PRKN: variants seen among roughly 807,000 people sequenced by gnomAD.
PRKN encodes parkin RBR E3 ubiquitin protein ligase.
Under a neutral mutation model 59.5 loss-of-function variants are expected in PRKN, and 56 were observed. The observed-to-expected ratio is 0.94, with a 90% CI of 0.76 to 1.18. PRKN has a LOEUF of 1.18. Among genes scored for constraint, PRKN ranks in the 50% most tolerant of loss-of-function variants. The probability of loss-of-function intolerance (pLI) is 0.00; values close to 1 mark genes in which losing one functional copy is unlikely to be tolerated. For missense variants in PRKN, 657 were observed against 596.4 expected (o/e 1.10, Z -1.06); for synonymous variants, 250 against 222.1 (o/e 1.13, Z -1.12).
chr6:161,371,797 C>T lies in PRKN; in HGVS notation c.1168-11592G>A, dbSNP rs1478354417. On this transcript the variant is annotated intron_variant, in intron 10 of 11. Coordinates refer to ENST00000366898, the MANE Select transcript of PRKN (RefSeq NM_004562.3). The surrounding 1 kb of genome is among the most constrained non-coding windows in gnomAD (Gnocchi z 5.5). ...GGGATTACAGGCATGCACCACCCCACCTCGCTAATTTTTGTATTTTTAGTA... is the reference window on the plus strand; with the variant it reads ...GGGATTACAGGCATGCACCACCCCATCTCGCTAATTTTTGTATTTTTAGTA... Among the ~76,000 whole-genome samples the T allele has an allele frequency of 2.6e-5, 4 of 152,278 alleles. No individual in the cohort carries two copies.
intron 5 of PRKN, among the ~76,000 whole-genome samples, chr6:161,975,163 G>A (rs561165072): frequency 7.1e-6 from 1 of 140,902 alleles, no homozygotes; most frequent in East Asian, 2.1e-4. Flanking sequence ...TCAGCTCACT[G>A]CAAACTCTGC....
chr6:162,004,353 G>A (rs1782168511), intron 5 of PRKN, among the ~76,000 whole-genome samples: 1 of 152,090 alleles, frequency 6.6e-6, no homozygotes, highest in African/African-American at 2.4e-5. Flanking sequence ...CTTCCCCAAA[G>A]CAGAAGTCAC....
At chr6:162,551,292 C>T (rs1010939563) in intron 1 of PRKN, among the ~76,000 whole-genome samples, 2 of 152,114 alleles carry the variant, frequency 1.3e-5, no homozygotes, top group African/African-American at 4.8e-5. Flanking sequence ...GAAAACTATA[C>T]CCAATTTCCA....
intron 3 of PRKN, among the ~76,000 whole-genome samples, chr6:162,253,050 T>C (rs554011612): frequency 6.6e-6 from 1 of 152,314 alleles, no homozygotes; most frequent in Non-Finnish European, 1.5e-5. Context: ...CTGCGTGTGC[T>C]ATTCTGGTGG....
rs889096620 is a variant in PRKN at position 161,592,500 on chromosome 6, T to C, written c.872-23084A>G. 3.3e-5 allele frequency among the ~76,000 whole-genome samples: 5 copies of C among 152,156 alleles called. No homozygotes were observed. Among genetic ancestry groups the C allele is most frequent in the African/African-American group, 9.7e-5 (4 of 41,426 alleles). On this transcript the variant is annotated intron_variant, in intron 7 of 11. Coordinates refer to ENST00000366898, the MANE Select transcript of PRKN (RefSeq NM_004562.3). The surrounding 1 kb of genome is among the most constrained non-coding windows in gnomAD (Gnocchi z 4.8). ...CCTATATTCCTTCTACAAATATATA[T>C]GGCACAAAATCCAAATGCCAGGAAC...
At chr6:161,766,339 C>T (rs1179808778) in intron 7 of PRKN, among the ~76,000 whole-genome samples, 2 of 141,342 alleles carry the variant, frequency 1.4e-5, no homozygotes, top group Admixed American at 7.0e-5. Flanking sequence ...GACAGAGTCT[C>T]GATCTGTCAC....
chr6:162,360,411 T>C (rs1418088003), intron 2 of PRKN, among the ~76,000 whole-genome samples: 1 of 152,168 alleles, frequency 6.6e-6, no homozygotes, highest in East Asian at 1.9e-4. Context: ...AAATAAGTGC[T>C]AAACAAATTA....
In PRKN at chr6:161,530,585, C is replaced by T. The variant is rs138972696; in HGVS notation, c.1083+18269G>A. Among the ~76,000 whole-genome samples the T allele has an allele frequency of 0.016, 2,490 of 151,230 alleles. 67 individuals carry two copies. Among genetic ancestry groups the T allele is most frequent in the African/African-American group, 0.058 (2,376 of 41,108 alleles). On this transcript the variant is annotated intron_variant, in intron 9 of 11. Coordinates refer to ENST00000366898, the MANE Select transcript of PRKN (RefSeq NM_004562.3). This position sits in a 1 kb window ranked among gnomAD's most constrained non-coding sequence, Gnocchi z 5.0. Reference sequence around the variant, plus strand: ...AGGCTGGAGTGCAATGGCATGATCTCGGCTCACCGCAACCTCCACCTCCCA... The same window carrying T: ...AGGCTGGAGTGCAATGGCATGATCTTGGCTCACCGCAACCTCCACCTCCCA...
At chr6:161,522,637 C>T (rs916362244) in intron 9 of PRKN, among the ~76,000 whole-genome samples, 1 of 152,264 alleles carries the variant, frequency 6.6e-6, no homozygotes, top group Non-Finnish European at 1.5e-5. Context: ...TGACAGAAGA[C>T]ATTCTCACTG....
At chr6:162,494,188 G>A (rs1476071656) in intron 1 of PRKN, among the ~76,000 whole-genome samples, 4 of 152,206 alleles carry the variant, frequency 2.6e-5, no homozygotes, top group African/African-American at 9.6e-5. Flanking sequence ...TGGAAGATGG[G>A]CTGAAGCAGC....
chr6:162,232,634 A>G (rs999263253), intron 3 of PRKN, among the ~76,000 whole-genome samples: 22 of 152,156 alleles, frequency 1.4e-4, no homozygotes, highest in African/African-American at 5.3e-4. Context: ...ACATTTTAAT[A>G]TTAGCAAAAG....
intron 4 of PRKN, among the ~76,000 whole-genome samples, chr6:162,160,564 A>G (rs1177268845): frequency 1.3e-5 from 2 of 152,188 alleles, no homozygotes; most frequent in African/African-American, 4.8e-5. Flanking sequence ...ATACCTCAGT[A>G]AAGCTATAAA....
chr6:162,703,189 T>A (rs1778220945), intron 1 of PRKN, among the ~76,000 whole-genome samples: 3 of 152,168 alleles, frequency 2.0e-5, no homozygotes, highest in Admixed American at 2.0e-4. Flanking sequence ...ATTAAGCTAT[T>A]GGATTTAAAA....
At chr6:162,339,406 C>G (rs973378777) in intron 2 of PRKN, among the ~76,000 whole-genome samples, 1 of 147,530 alleles carries the variant, frequency 6.8e-6, no homozygotes, top group African/African-American at 2.5e-5. Flanking sequence ...CAGCCCCCCG[C>G]CCGGCCAGCC....
At chr6:162,453,165 CGGCTG>C (rs766128484) in intron 1 of PRKN, among the ~76,000 whole-genome samples, 64 of 152,192 alleles carry the variant, frequency 4.2e-4, no homozygotes, top group Admixed American at 2.5e-3. Context: ...CCAGGTTCCC[CGGCTG>C]GAAACAGAAT....
intron 4 of PRKN, among the ~76,000 whole-genome samples, chr6:162,061,730 G>A (rs1582974365): frequency 6.6e-6 from 1 of 152,082 alleles, no homozygotes; most frequent in Admixed American, 6.5e-5. Context: ...AAAAAAATTC[G>A]TTAAACCAAA....
intron 4 of PRKN, among the ~76,000 whole-genome samples, chr6:162,121,288 G>C (rs888065558): frequency 2.0e-5 from 3 of 152,004 alleles, no homozygotes; most frequent in Non-Finnish European, 1.5e-5. Flanking sequence ...GCCAACCCGT[G>C]GAAAATAAAG....
At chr6:162,692,840 A>G (rs1171840005) in intron 1 of PRKN, among the ~76,000 whole-genome samples, 1 of 152,134 alleles carries the variant, frequency 6.6e-6, no homozygotes, top group Non-Finnish European at 1.5e-5. Context: ...TATGATTTCT[A>G]TGAGTCCTTT....
At chr6:162,565,739 T>TAC (rs1400306873) in intron 1 of PRKN, among the ~76,000 whole-genome samples, 5 of 145,314 alleles carry the variant, frequency 3.4e-5, no homozygotes, top group Admixed American at 6.9e-5. Flanking sequence ...CATACATACA[T>TAC]ATAATGAATG....
Sources: gnomAD v4.1 joint callset for allele counts (sites outside exome capture counted in the v4.1 genomes callset) on GRCh38, gnomAD v4.1.1 for gene constraint, Gnocchi (gnomAD v3.1) non-coding constraint, MANE v1.5 for transcripts, NCBI Gene and HGNC (gene_info 2026-07-23, HGNC 2026-07-21) for gene names.